The following GSE1 variants were observed in gnomAD, a reference collection of about 807,000 sequenced individuals.
GSE1 encodes the protein genetic suppressor element 1.
GSE1 carries 32 observed loss-of-function variants against 112.6 expected under a neutral mutation model. That is an observed-to-expected ratio of 0.28 (90% CI 0.21 to 0.38). GSE1 has a LOEUF of 0.38. Ranked by LOEUF, GSE1 falls within the 10% of genes least tolerant of loss-of-function variation. GSE1 has a pLI of 1.00. For missense variants in GSE1, 2,348 were observed against 1,699.2 expected (o/e 1.38, Z -6.71); for synonymous variants, 1,115 against 735.6 (o/e 1.52, Z -8.35).
chr16:85,641,226 C>T (rs2050417759), intron 2 of GSE1, among the ~76,000 whole-genome samples: 1 of 152,288 alleles, frequency 6.6e-6, no homozygotes, highest in Non-Finnish European at 1.5e-5. Flanking sequence ...TGTCTCAGCT[C>T]CTTTGGTCCC....
chr16:85,337,268 C>A (rs1226982581), intron 1 of GSE1, among the ~76,000 whole-genome samples: 3 of 151,878 alleles, frequency 2.0e-5, no homozygotes, highest in Non-Finnish European at 4.4e-5. Context: ...AGGGGAGGCC[C>A]TGCACTTGGG....
chr16:85,442,937 G>A (rs1597772166), intron 2 of GSE1, among the ~76,000 whole-genome samples: 1 of 152,170 alleles, frequency 6.6e-6, no homozygotes, highest in Non-Finnish European at 1.5e-5. Context: ...GGTGACCCGT[G>A]GTGTCCCGCA....
At chr16:85,333,731 A>G (rs1597416482) in intron 1 of GSE1, among the ~76,000 whole-genome samples, 1 of 152,106 alleles carries the variant, frequency 6.6e-6, no homozygotes, top group East Asian at 1.9e-4. Context: ...TTGGATCTGG[A>G]CGCCTCTTCT....
intron 1 of GSE1, among the ~76,000 whole-genome samples, chr16:85,616,090 C>T (rs2048353894): frequency 6.6e-6 from 1 of 152,350 alleles, no homozygotes; most frequent in East Asian, 1.9e-4. Flanking sequence ...GGCTCAGCAT[C>T]GCCGGCCCCA....
chr16:85,349,972 G>C (rs983111619), intron 1 of GSE1, among the ~76,000 whole-genome samples: 1 of 152,200 alleles, frequency 6.6e-6, no homozygotes, highest in Non-Finnish European at 1.5e-5. Context: ...CACTGTGCGG[G>C]GACTAGGTAC....
At chr16:85,526,489 T>A (rs1239547033) in intron 2 of GSE1, among the ~76,000 whole-genome samples, 1 of 152,204 alleles carries the variant, frequency 6.6e-6, no homozygotes, top group Non-Finnish European at 1.5e-5. Flanking sequence ...AGGGTCAGGC[T>A]GTGGGGAGAG....
At position 85,674,358 on chromosome 16, in the gene GSE1, G is replaced by A. The variant is rs1163906363; in HGVS notation, c.*1819G>A. 2 of 152,272 alleles carry A rather than the reference G, an allele frequency of 1.3e-5. No homozygotes were observed. The highest frequency in any genetic ancestry group is 2.9e-5 in the Non-Finnish European group (2 of 68,074). 9.4% of individuals were successfully genotyped at this position (152,272 alleles called of 1,614,324 possible). A position where few individuals can be genotyped will look rare whatever the true frequency, so the allele number is the denominator to read the frequency against. On this transcript the variant is annotated 3_prime_UTR_variant, in exon 16 of 16. Coordinates refer to ENST00000253458, the MANE Select transcript of GSE1 (RefSeq NM_014615.5). ...GACGAATGTACCGCCAGTATTATCA[G>A]CAGTCAACAAGCACCTTCCTCTCCA...
intron 2 of GSE1, among the ~76,000 whole-genome samples, chr16:85,522,145 C>G (rs1298376826): frequency 6.6e-6 from 1 of 152,188 alleles, no homozygotes; most frequent in African/African-American, 2.4e-5. Flanking sequence ...ACCCAACCAG[C>G]CTTAATGGAT....
At chr16:85,175,784 C>T (rs1352762085) in intron 1 of GSE1, among the ~76,000 whole-genome samples, 3 of 152,184 alleles carry the variant, frequency 2.0e-5, no homozygotes, top group African/African-American at 4.8e-5. Context: ...GCACACTTCA[C>T]CTGTATTCAC....
At chr16:85,331,312 C>T (rs2046334941) in intron 1 of GSE1, among the ~76,000 whole-genome samples, 1 of 139,992 alleles carries the variant, frequency 7.1e-6, no homozygotes, top group Non-Finnish European at 1.5e-5. Context: ...GCCACCATGC[C>T]CAGCTAATTT....
chr16:85,422,570 G>A (rs1212307777), intron 2 of GSE1, among the ~76,000 whole-genome samples: 6 of 142,578 alleles, frequency 4.2e-5, no homozygotes, highest in Non-Finnish European at 7.8e-5. Flanking sequence ...GCCTTGCCCT[G>A]TTCTGGCCAA....
At chr16:85,187,181 T>C (rs1211446909) in intron 1 of GSE1, among the ~76,000 whole-genome samples, 1 of 152,206 alleles carries the variant, frequency 6.6e-6, no homozygotes, top group Non-Finnish European at 1.5e-5. Context: ...TCCAGGTGCC[T>C]GGAGCTTGGG....
intron 1 of GSE1, among the ~76,000 whole-genome samples, chr16:85,272,252 G>C (rs554870067): frequency 2.0e-5 from 3 of 152,348 alleles, no homozygotes; most frequent in Non-Finnish European, 4.4e-5. Flanking sequence ...GTCTTTGGCC[G>C]TGCTCTGCAA....
Position 85,300,543 on chromosome 16 carries a change from A to G in GSE1, c.2284-56920A>G, listed in dbSNP as rs142905033. Among the ~76,000 whole-genome samples the G allele has an allele frequency of 4.5e-3, 679 of 152,182 alleles. 2 individuals carry two copies. The highest frequency in any genetic ancestry group is 0.016 in the African/African-American group (651 of 41,508). Reference sequence around the variant, plus strand: ...ATTTCATGTGAATGGACTCACACACACTGCGGCCTTTGGTGTCTGGCTGCT... The same window carrying G: ...ATTTCATGTGAATGGACTCACACACGCTGCGGCCTTTGGTGTCTGGCTGCT... On this transcript the variant is annotated intron_variant, in intron 1 of 2. Transcript: ENST00000637419.
chr16:85,310,024 C>T (rs976034040), intron 1 of GSE1, among the ~76,000 whole-genome samples: 5 of 152,240 alleles, frequency 3.3e-5, no homozygotes, highest in Admixed American at 1.3e-4. Flanking sequence ...CTTTGTTAAT[C>T]CAGCGCCTGT....
chr16:85,351,573 A>G (rs1334394857), intron 1 of GSE1, among the ~76,000 whole-genome samples: 1 of 152,070 alleles, frequency 6.6e-6, no homozygotes, highest in East Asian at 1.9e-4. Flanking sequence ...GGTGATGAAA[A>G]TGTTCTGAAA....
chr16:85,630,831 G>A (rs184663695), intron 1 of GSE1, among the ~76,000 whole-genome samples: 2 of 152,146 alleles, frequency 1.3e-5, no homozygotes, highest in Admixed American at 6.5e-5. Flanking sequence ...TCCTGGTCTC[G>A]GTTTCCCCAT....
chr16:85,519,489 T>C (rs866326345), intron 2 of GSE1, among the ~76,000 whole-genome samples: 1 of 634 alleles, frequency 1.6e-3, no homozygotes, highest in Non-Finnish European at 2.4e-3. Flanking sequence ...CCACCATCAC[T>C]ATCATCATCA....
chr16:85,277,846 C>T (rs2144233403), intron 1 of GSE1, among the ~76,000 whole-genome samples: 1 of 152,358 alleles, frequency 6.6e-6, no homozygotes, highest in South Asian at 2.1e-4. Flanking sequence ...CAGGCCGGCC[C>T]CAGGACACCA....
Sources: gnomAD v4.1 joint callset for allele counts (sites outside exome capture counted in the v4.1 genomes callset) on GRCh38, gnomAD v4.1.1 for gene constraint, MANE v1.5 for transcripts, NCBI Gene and HGNC (gene_info 2026-07-23, HGNC 2026-07-21) for gene names.